PDGFA: variants seen among roughly 807,000 people sequenced by gnomAD.
The protein encoded by PDGFA is platelet derived growth factor subunit A, also known as platelet-derived growth factor subunit A.
In PDGFA, 9 loss-of-function variants were observed where a neutral mutation model predicts 25.6. The observed-to-expected ratio is 0.35, with a 90% CI of 0.21 to 0.61. The LOEUF (loss-of-function observed/expected upper bound fraction) is 0.61. Ranked by LOEUF, PDGFA falls within the 20% of genes least tolerant of loss-of-function variation. The pLI, the probability that PDGFA is intolerant of heterozygous loss-of-function variation, is 0.75. For synonymous variants in PDGFA, 133 were observed against 111.8 expected (o/e 1.19, Z -1.20); for missense variants, 242 against 272.8 (o/e 0.89, Z 0.79).
At position 498,316 on chromosome 7, in the gene PDGFA, CTCTCTT is replaced by C. The variant is rs377447717; in HGVS notation, c.*242_*247del. On this transcript the variant is annotated 3_prime_UTR_variant, in exon 6 of 6. Transcript: ENST00000402802. ...TGTCATTTGTGGTTTTGTTTTCTCT[CTCTCTT>C]TCTCTCTCTCTCTTTTTGACAAGGA... The C allele has an allele frequency of 5.8e-3, 2,977 of 511,344 alleles. 38 individuals carry two copies. Among genetic ancestry groups the C allele is most frequent in the African/African-American group, 0.034 (1,762 of 51,818 alleles). The allele number at this position is 511,344 out of a possible 1,614,324, so 31.7% of individuals were successfully genotyped here. A position where few individuals can be genotyped will look rare whatever the true frequency, so the allele number is the denominator to read the frequency against.
intron 5 of PDGFA, among the ~76,000 whole-genome samples, chr7:499,167 A>G (rs932450206): frequency 3.3e-5 from 5 of 152,220 alleles, no homozygotes; most frequent in African/African-American, 1.2e-4. Flanking sequence ...CAGCAGGCCC[A>G]TGGAGGCCAG....
At position 507,821 on chromosome 7, in the gene PDGFA, G is replaced by T. The variant is rs534819898; in HGVS notation, c.453+2988C>A. Among the ~76,000 whole-genome samples the T allele has an allele frequency of 5.9e-5, 9 of 152,208 alleles. No individual in the cohort carries two copies. In the East Asian group the frequency reaches 1.4e-3, roughly 23 times the overall value. On this transcript the variant is annotated intron_variant, in intron 4 of 5. Coordinates refer to ENST00000402802, the Ensembl canonical transcript of PDGFA. ...CTGGGCTCATGCCAGGGGGGCTCAT[G>T]CCAGGGGGACCCAGCCACACCTGGA... is the stretch of plus-strand genomic sequence containing the variant.
chr7:505,909 C>T (rs376740303), intron 4 of PDGFA, among the ~76,000 whole-genome samples: 7 of 152,188 alleles, frequency 4.6e-5, no homozygotes, highest in African/African-American at 1.4e-4. Context: ...TGCGGTGGCT[C>T]ACGCCTGTAA....
At chr7:497,953 AAAAAACAAAAAAAAAAAAAAC>A (rs1782144314) in exon 6 of PDGFA, 3 of 115,110 alleles carry the variant, frequency 2.6e-5, no homozygotes, top group Non-Finnish European at 5.5e-5. Context: ...AAAAAAAAAA[AAAAAACAAAAAAAAAAAAAAC>A]AAAACAAAAA....
In PDGFA at chr7:509,560, G is replaced by A. The variant is rs146120063; in HGVS notation, c.453+1249C>T. ...CAGCCTCAGCCTTCCACGGTGGCTG[G>A]GACTGCAGGTGTGAGCCACCTCGCC... On this transcript the variant is annotated intron_variant, in intron 4 of 5. Transcript: ENST00000402802. Among the ~76,000 whole-genome samples the A allele has an allele frequency of 3.6e-3, 546 of 152,270 alleles. 3 individuals carry two copies. The highest frequency in any genetic ancestry group is 0.012 in the African/African-American group (489 of 41,558).
chr7:508,130 G>A (rs184786622), intron 4 of PDGFA, among the ~76,000 whole-genome samples: 2 of 152,130 alleles, frequency 1.3e-5, no homozygotes, highest in Admixed American at 1.3e-4. Flanking sequence ...GACCCGGCTG[G>A]CTGCAAAGTC....
At chr7:514,061 C>T (rs972302050) in intron 2 of PDGFA, among the ~76,000 whole-genome samples, 2 of 152,162 alleles carry the variant, frequency 1.3e-5, no homozygotes, top group Non-Finnish European at 2.9e-5. Context: ...AGTAACGGGT[C>T]CGTTCTCCAC....
chr7:518,970 C>A (rs1783239147), exon 1 of PDGFA: 2 of 1,541,768 alleles, frequency 1.3e-6, no homozygotes, highest in Non-Finnish European at 1.7e-6. Flanking sequence ...GTATCCGCAG[C>A]CGAGGAGCAG....
exon 3 of PDGFA, chr7:512,404 G>A (rs1292941243): frequency 1.2e-6 from 2 of 1,613,796 alleles, no homozygotes; most frequent in Admixed American, 1.7e-5. Flanking sequence ...CACATGCTTA[G>A]TGGCATGGAC....
intron 4 of PDGFA, among the ~76,000 whole-genome samples, chr7:508,981 G>A (rs1188764812): frequency 1.3e-5 from 2 of 152,246 alleles, no homozygotes; most frequent in African/African-American, 2.4e-5. Flanking sequence ...CACAGGTGAG[G>A]AAAATGAGGC....
chr7:497,898 C>A (rs1782125991), exon 6 of PDGFA: 2 of 32,430 alleles, frequency 6.2e-5, no homozygotes, highest in African/African-American at 2.1e-4. Flanking sequence ...AAAAAGCTAG[C>A]CAAAGAGTAA....
In PDGFA at chr7:517,043, G is replaced by T. The variant is rs944424470; in HGVS notation, c.160+351C>A. ...CTGCCCGCCCGGCGCACGGGCCAGG[G>T]CTCTGCGCCCAGGGTCTGGGCCGGA... On this transcript the variant is annotated intron_variant, in intron 2 of 5. Transcript: ENST00000402802. This position sits in a 1 kb window ranked among gnomAD's most constrained non-coding sequence, Gnocchi z 7.4. Among the ~76,000 whole-genome samples the T allele has an allele frequency of 1.3e-5, 2 of 151,134 alleles. No homozygotes were observed. Among genetic ancestry groups the T allele is most frequent in the African/African-American group, 4.8e-5 (2 of 41,278 alleles).
At position 517,972 on chromosome 7, in the gene PDGFA, G is replaced by A. The variant is rs1349122364; in HGVS notation, c.64-482C>T. 6.6e-6 allele frequency among the ~76,000 whole-genome samples: 1 copy of A among 152,112 alleles called. No individual in the cohort carries two copies. Among genetic ancestry groups the A allele is most frequent in the Non-Finnish European group, 1.5e-5 (1 of 68,026 alleles). ...CCCCGGAATCCCGGGCCGAACCCGTGGAGAGGTCTCTCCGTCTCACAAACA... is the reference window on the plus strand; with the variant it reads ...CCCCGGAATCCCGGGCCGAACCCGTAGAGAGGTCTCTCCGTCTCACAAACA... On this transcript the variant is annotated intron_variant, in intron 1 of 5. Coordinates refer to ENST00000402802, the Ensembl canonical transcript of PDGFA. This position sits in a 1 kb window ranked among gnomAD's most constrained non-coding sequence, Gnocchi z 7.4.
chr7:509,167 AC>A (rs1782693145), intron 4 of PDGFA, among the ~76,000 whole-genome samples: 1 of 151,814 alleles, frequency 6.6e-6, no homozygotes, highest in Admixed American at 6.6e-5. Context: ...CCCCAGCGCA[AC>A]CCCAGGGAGG....
chr7:497,951 A>AAAAC (rs1782141769), exon 6 of PDGFA: 1 of 115,242 alleles, frequency 8.7e-6, no homozygotes, highest in Non-Finnish European at 1.8e-5. Context: ...AAAAAAAAAA[A>AAAAC]AAAAAAACAA....
At position 519,014 on chromosome 7, in the gene PDGFA, C is replaced by T. The variant is rs551251085; in HGVS notation, c.-13G>A. On this transcript the variant is annotated 5_prime_UTR_variant, in exon 1 of 6. Transcript: ENST00000402802. The stretch of plus-strand genomic sequence containing the variant: ...CCAAGGTCCTCATCGCGTCCCGAGG[C>T]GCTGGCTGCTCGGAGGAGAGGCGAG... 262 of 1,525,842 alleles carry T rather than the reference C, an allele frequency of 1.7e-4. 1 individual carries two copies. The Middle Eastern group carries it at 3.9e-3, about 23-fold the overall frequency. 94.5% of individuals were successfully genotyped at this position (1,525,842 alleles called of 1,614,324 possible).
In PDGFA at chr7:502,768, TCACACACACA is replaced by T. The variant is rs71016866; in HGVS notation, c.454-1536_454-1527del. Among the ~76,000 whole-genome samples, 33 of 126,032 alleles carry T rather than the reference TCACACACACA, an allele frequency of 2.6e-4. 1 individual carries two copies. The highest frequency in any genetic ancestry group is 8.0e-4 in the African/African-American group (27 of 33,624). The allele number at this position is 126,032 out of a possible 152,430, so 82.7% of individuals were successfully genotyped here. Reference sequence around the variant, plus strand: ...GGCATTCAACAAGAGAGGCAAGAAATCACACACACACACACACACACACACACACACACAC... The same window carrying T: ...GGCATTCAACAAGAGAGGCAAGAAATCACACACACACACACACACACACAC... On this transcript the variant is annotated intron_variant, in intron 4 of 5. Transcript: ENST00000402802.
exon 6 of PDGFA, chr7:497,939 T>TTA (rs1554272950): frequency 5.0e-5 from 1 of 20,138 alleles, no homozygotes; most frequent in Non-Finnish European, 8.2e-5. Flanking sequence ...CTTTATGGTG[T>TTA]AAAAAAAAAA....
chr7:497,969 A>AAAAAAAC (rs1583133471), exon 6 of PDGFA: 3 of 133,744 alleles, frequency 2.2e-5, no homozygotes, highest in Non-Finnish European at 4.7e-5. Context: ...CAAAAAAAAA[A>AAAAAAAC]AAAACAAAAC....
Sources: gnomAD v4.1 joint callset for allele counts (sites outside exome capture counted in the v4.1 genomes callset) on GRCh38, gnomAD v4.1.1 for gene constraint, Gnocchi (gnomAD v3.1) non-coding constraint, MANE v1.5 for transcripts, NCBI Gene and HGNC (gene_info 2026-07-23, HGNC 2026-07-21) for gene names.